The following KHDRBS2 variants were observed in gnomAD, a reference collection of about 807,000 sequenced individuals.
KHDRBS2 encodes KH domain-containing, RNA-binding, signal transduction-associated protein 2.
A neutral mutation model predicts 44.3 loss-of-function variants in KHDRBS2; 26 were observed. That is an observed-to-expected ratio of 0.59 (90% CI 0.43 to 0.81). KHDRBS2 has a LOEUF of 0.81. Ranked by LOEUF, KHDRBS2 falls within the 40% of genes least tolerant of loss-of-function variation. The pLI, the probability that KHDRBS2 is intolerant of heterozygous loss-of-function variation, is 0.00. For synonymous variants in KHDRBS2, 194 were observed against 151.1 expected (o/e 1.28, Z -2.08); for missense variants, 476 against 433.1 (o/e 1.10, Z -0.88).
chr6:61,748,054 G>C (rs991585110), intron 6 of KHDRBS2, among the ~76,000 whole-genome samples: 4 of 152,164 alleles, frequency 2.6e-5, no homozygotes, highest in African/African-American at 7.2e-5. Flanking sequence ...GCAGTGGCAT[G>C]ATCTCAGCTC....
chr6:61,816,179 A>G (rs1452959392), intron 6 of KHDRBS2, among the ~76,000 whole-genome samples: 1 of 152,214 alleles, frequency 6.6e-6, no homozygotes, highest in Non-Finnish European at 1.5e-5. Context: ...TTATTGGTTA[A>G]ATTGTGTCCC....
rs188008646 is a variant in KHDRBS2 at position 62,118,068 on chromosome 6, G to A, written c.219+59117C>T. ...TGAGATTACAGGCGTGAGCCACCGC[G>A]TCTGGCCTTGACTCAATTTTTGTAC... is the stretch of plus-strand genomic sequence containing the variant. On this transcript the variant is annotated intron_variant, in intron 2 of 8. Coordinates refer to ENST00000281156, the MANE Select transcript of KHDRBS2 (RefSeq NM_152688.4). 2.5e-3 allele frequency among the ~76,000 whole-genome samples: 375 copies of A among 152,284 alleles called. 1 individual carries two copies. Among genetic ancestry groups the A allele is most frequent in the African/African-American group, 7.5e-3 (312 of 41,564 alleles).
At chr6:62,233,671 G>A (rs991361466) in intron 1 of KHDRBS2, among the ~76,000 whole-genome samples, 1 of 152,036 alleles carries the variant, frequency 6.6e-6, no homozygotes. Context: ...CCCAGTGTAT[G>A]TTGTTCCCCT....
At chr6:61,591,438 G>A in the KHDRBS2 span, among the ~76,000 whole-genome samples, 3 of 152,014 alleles carry the variant, frequency 2.0e-5, no homozygotes, top group African/African-American at 4.8e-5. Context: ...TAAAACAATA[G>A]GAAAACAAAA....
chr6:61,885,434 T>C (rs1320025049), intron 6 of KHDRBS2, among the ~76,000 whole-genome samples: 2 of 152,120 alleles, frequency 1.3e-5, no homozygotes, highest in Admixed American at 1.3e-4. Context: ...ACAATTCAAA[T>C]CTTATTTCTC....
intron 2 of KHDRBS2, among the ~76,000 whole-genome samples, chr6:62,050,356 C>G (rs1788718834): frequency 6.6e-6 from 1 of 150,896 alleles, no homozygotes; most frequent in Non-Finnish European, 1.5e-5. Flanking sequence ...ACAGGTGCAG[C>G]AAACCACCAT....
chr6:61,945,917 GTAAA>G (rs1272673862), intron 4 of KHDRBS2, among the ~76,000 whole-genome samples: 1 of 152,112 alleles, frequency 6.6e-6, no homozygotes, highest in East Asian at 1.9e-4. Flanking sequence ...CACAGTCCAG[GTAAA>G]TAAAGAACTA....
At chr6:62,001,355 C>T (rs565578416) in intron 3 of KHDRBS2, among the ~76,000 whole-genome samples, 48 of 150,480 alleles carry the variant, frequency 3.2e-4, no homozygotes, top group South Asian at 2.9e-3. Context: ...GGGTGTATGA[C>T]GTAAAATTGA....
At chr6:62,222,624 A>G (rs1478921506) in intron 1 of KHDRBS2, among the ~76,000 whole-genome samples, 1 of 152,080 alleles carries the variant, frequency 6.6e-6, no homozygotes, top group African/African-American at 2.4e-5. Context: ...CAGCCAAACC[A>G]TATCATACCT....
At chr6:62,035,776 T>A (rs1046732519) in intron 3 of KHDRBS2, among the ~76,000 whole-genome samples, 5 of 152,006 alleles carry the variant, frequency 3.3e-5, no homozygotes, top group African/African-American at 1.2e-4. Context: ...TATACACCTA[T>A]GTGCCCAGAA....
chr6:62,187,956 G>A (rs1563027975), intron 1 of KHDRBS2, among the ~76,000 whole-genome samples: 1 of 151,990 alleles, frequency 6.6e-6, no homozygotes, highest in Non-Finnish European at 1.5e-5. Flanking sequence ...GGCTTTTGGT[G>A]AGACCCAGAA....
At position 62,107,600 on chromosome 6, in the gene KHDRBS2, C is replaced by G. The variant is rs370161668; in HGVS notation, c.220-59606G>C. 1.3e-4 allele frequency among the ~76,000 whole-genome samples: 20 copies of G among 151,976 alleles called. No individual in the cohort carries two copies. The East Asian group carries it at 1.9e-3, about 15-fold the overall frequency. ...CAGAATTGGAAAAAAATACTTTAAA[C>G]TTCATATGGAACCAAAAAAGAGCCC... On this transcript the variant is annotated intron_variant, in intron 2 of 8. Transcript: ENST00000281156.
intron 3 of KHDRBS2, among the ~76,000 whole-genome samples, chr6:62,015,926 C>T (rs1259862874): frequency 6.6e-6 from 1 of 152,054 alleles, no homozygotes; most frequent in Admixed American, 6.6e-5. Context: ...AATTTTATTC[C>T]AGTGTCAGCA....
chr6:62,269,525 C>T (rs1839741654), intron 1 of KHDRBS2, among the ~76,000 whole-genome samples: 1 of 151,966 alleles, frequency 6.6e-6, no homozygotes, highest in Admixed American at 6.6e-5. Flanking sequence ...CAAATCAAAA[C>T]CACAGTAAGT....
At chr6:62,119,175 G>C (rs1807011996) in intron 2 of KHDRBS2, among the ~76,000 whole-genome samples, 1 of 152,120 alleles carries the variant, frequency 6.6e-6, no homozygotes, top group Non-Finnish European at 1.5e-5. Flanking sequence ...TAATATTATG[G>C]AGAACACTGA....
intron 4 of KHDRBS2, among the ~76,000 whole-genome samples, chr6:61,930,519 C>A (rs1256591094): frequency 3.7e-4 from 31 of 83,748 alleles, no homozygotes; most frequent in Middle Eastern, 0.011. Flanking sequence ...CCCTATACCG[C>A]CCCTAAAAAA....
the KHDRBS2 span, among the ~76,000 whole-genome samples, chr6:61,619,437 TTTTG>T: frequency 0.19 from 29,346 of 151,110 alleles, 3,312 homozygotes; most frequent in South Asian, 0.33. Context: ...AATACATTAT[TTTTG>T]TTTGTTTGTT....
the KHDRBS2 span, among the ~76,000 whole-genome samples, chr6:61,580,476 G>A: frequency 6.6e-6 from 1 of 152,148 alleles, no homozygotes; most frequent in African/African-American, 2.4e-5. Context: ...CCATGCTGTG[G>A]AAGTTTTGTT....
intron 1 of KHDRBS2, among the ~76,000 whole-genome samples, chr6:62,212,475 C>T (rs1325162225): frequency 6.6e-6 from 1 of 151,816 alleles, no homozygotes; most frequent in African/African-American, 2.4e-5. Flanking sequence ...TTCTAACCCT[C>T]TAAGTACCTC....
Sources: allele counts gnomAD v4.1 joint callset (sites outside exome capture counted in the v4.1 genomes callset), GRCh38; gene constraint gnomAD v4.1.1; transcripts MANE v1.5; gene names NCBI Gene and HGNC (gene_info 2026-07-23, HGNC 2026-07-21).